CTDSP1: variants seen among roughly 807,000 people sequenced by gnomAD.
The protein encoded by CTDSP1 is carboxy-terminal domain RNA polymerase II polypeptide A small phosphatase 1.
CTDSP1 carries 15 observed loss-of-function variants against 32.5 expected under a neutral mutation model. The ratio of observed to expected loss-of-function variants is 0.46; its 90% CI spans 0.31 to 0.71. CTDSP1 has a LOEUF of 0.71. CTDSP1 is among the 30% of genes least tolerant of loss of function. CTDSP1 has a pLI of 0.05. For missense variants in CTDSP1, 294 were observed against 351.1 expected (o/e 0.84, Z 1.30); for synonymous variants, 185 against 145.4 (o/e 1.27, Z -1.96).
rs750101729 is a variant in CTDSP1, at chr2:218,404,386, C to T, written c.747C>T (p.Asp249=). ...TCGAGCAACTCAGCCGTGTGGACGA[C>T]GTGTACTCAGTGCTCAGGCAGCCAC... ...PFFEQLSRVD[D]VYSVLRQPRP... The change falls in exon 7 of 7, where the codon GAC becomes GAT. Residue 249 remains aspartate (D), a synonymous_variant. Coordinates refer to ENST00000273062, the MANE Select transcript of CTDSP1 (RefSeq NM_021198.3). The T allele has an allele frequency of 9.3e-6, 15 of 1,614,036 alleles. No individual in the cohort carries two copies. The highest frequency in any genetic ancestry group is 1.3e-5 in the Non-Finnish European group (15 of 1,180,028).
At chr2:218,400,906 A>C (rs1237083405) in intron 1 of CTDSP1, 1 of 427,430 alleles carries the variant, frequency 2.3e-6, no homozygotes, top group Admixed American at 2.7e-5. Flanking sequence ...AGGTCTGCCC[A>C]CCCTCGCCTG....
In CTDSP1 at chr2:218,403,225, C is replaced by G; in HGVS notation, c.472-7C>G. On this transcript the variant is annotated splice_region_variant and splice_polypyrimidine_tract_variant and intron_variant, in intron 5 of 6. Coordinates refer to ENST00000273062, the MANE Select transcript of CTDSP1 (RefSeq NM_021198.3). Reference sequence around the variant, plus strand: ...GGGCCCCAGGATGACCCACCTCCTGCTCCCAGTACGCAGACCCAGTAGCTG... The same window carrying G: ...GGGCCCCAGGATGACCCACCTCCTGGTCCCAGTACGCAGACCCAGTAGCTG... 1 of 1,611,318 alleles carries G rather than the reference C, an allele frequency of 6.2e-7. No homozygotes were observed. Among genetic ancestry groups the G allele is most frequent in the Non-Finnish European group, 8.5e-7 (1 of 1,178,108 alleles).
chr2:218,402,229 A>T lies in CTDSP1; in HGVS notation c.321+14A>T. 1.2e-6 allele frequency: 2 copies of T among 1,612,872 alleles called. No individual in the cohort carries two copies. Among genetic ancestry groups the T allele is most frequent in the Non-Finnish European group, 1.7e-6 (2 of 1,179,218 alleles). ...AGCTCCTTCAAGGTGGGCCCTGCTC[A>T]ACAGCCCTCAGCCCGGGTCTCGGGG... On this transcript the variant is annotated intron_variant, in intron 3 of 6. Transcript: ENST00000273062.
intron 2 of CTDSP1, 145 bp from the exon 3 acceptor site, chr2:218,401,966 G>A: frequency 2.9e-6 from 2 of 701,096 alleles, no homozygotes; most frequent in Non-Finnish European, 4.9e-6. Context: ...AAGCCCTAGA[G>A]CTGGCAGGGG....
chr2:218,402,134 C>T lies in CTDSP1; in HGVS notation c.240C>T (p.Leu80=), dbSNP rs771833719. The part of the protein sequence containing the change: ...IPKQTPVQYL[L]PEAKAQDSDK... ...AGCAGACCCCAGTCCAATACCTGCT[C>T]CCTGAGGCCAAGGCCCAGGACTCAG... is the stretch of plus-strand genomic sequence containing the variant. Residue 80 remains leucine, a synonymous_variant, in exon 3 of 7, where the codon CTC becomes CTT. Transcript: ENST00000273062. The T allele has an allele frequency of 1.7e-5, 27 of 1,613,258 alleles. No individual in the cohort carries two copies. The highest frequency in any genetic ancestry group is 2.7e-5 in the African/African-American group (2 of 74,928).
Position 218,402,334 on chromosome 2 carries a change from C to T in CTDSP1, c.322-15C>T. 6.2e-7 allele frequency: 1 copy of T among 1,614,040 alleles called. No individual in the cohort carries two copies. Among genetic ancestry groups the T allele is most frequent in the Non-Finnish European group, 8.5e-7 (1 of 1,180,006 alleles). ...GGCTCCTCCTCCAACTCCAGCAGCT[C>T]TTTTCCCCCCACAGCCAGTGAACAA... On this transcript the variant is annotated splice_polypyrimidine_tract_variant and intron_variant, in intron 3 of 6. Transcript: ENST00000273062.
chr2:218,402,022 C>T, intron 2 of CTDSP1, 89 bp from the exon 3 acceptor site: 1 of 927,088 alleles, frequency 1.1e-6, no homozygotes, highest in Non-Finnish European at 1.7e-6. Flanking sequence ...CCTGGGGTTC[C>T]TCTGGAGACG....
upstream of CTDSP1, chr2:218,398,705 G>C (rs575500257): frequency 3.1e-5 from 10 of 324,120 alleles, no homozygotes; most frequent in South Asian, 1.5e-3. Flanking sequence ...GGAGGCCCGC[G>C]GGAGAGGGGG....
rs1026390755 is a variant in CTDSP1, at chr2:218,400,619, C to T, written c.67+462C>T. 5.4e-4 allele frequency: 220 copies of T among 410,672 alleles called. 1 individual carries two copies. Among genetic ancestry groups the T allele is most frequent in the Non-Finnish European group, 8.1e-4 (165 of 203,918 alleles). The allele number at this position is 410,672 out of a possible 1,614,324, so 25.4% of individuals were successfully genotyped here. On this transcript the variant is annotated intron_variant, in intron 1 of 6. Coordinates refer to ENST00000273062, the MANE Select transcript of CTDSP1 (RefSeq NM_021198.3). ...CCGAGGTGACAGCAGGCTGGGGAGG[C>T]TTGGAGGGATCTCCCGCCAACACAC...
At position 218,405,301 on chromosome 2, in the gene CTDSP1, A is replaced by G. The variant is rs776855261; in HGVS notation, c.*876A>G. On this transcript the variant is annotated 3_prime_UTR_variant, in exon 7 of 7. Coordinates refer to ENST00000273062, the MANE Select transcript of CTDSP1 (RefSeq NM_021198.3). Reference sequence around the variant, plus strand: ...GGGGAGGGAGGGAAAGGATTTTTACATTTTTTAAACTGCTATTTTCTGAAT... The same window carrying G: ...GGGGAGGGAGGGAAAGGATTTTTACGTTTTTTAAACTGCTATTTTCTGAAT... The G allele has an allele frequency of 1.3e-5, 2 of 152,628 alleles. No homozygotes were observed. Among genetic ancestry groups the G allele is most frequent in the South Asian group, 2.1e-4 (1 of 4,832 alleles). The allele number at this position is 152,628 out of a possible 1,614,324, so 9.5% of individuals were successfully genotyped here. A position where few individuals can be genotyped will look rare whatever the true frequency, so the allele number is the denominator to read the frequency against.
intron 6 of CTDSP1, 132 bp from the exon 7 acceptor site, chr2:218,404,162 CAAA>C (rs1262365899): frequency 1.9e-6 from 2 of 1,056,240 alleles, no homozygotes; most frequent in Non-Finnish European, 1.4e-6. Flanking sequence ...GGATTGCTGT[CAAA>C]AAAGTTTGAA....
chr2:218,398,347 G>C, upstream of CTDSP1: 1 of 1,426,168 alleles, frequency 7.0e-7, no homozygotes, highest in Non-Finnish European at 9.5e-7. Flanking sequence ...ATGAGATTAG[G>C]GGGCGCAGCC....
chr2:218,402,991 A>C, intron 4 of CTDSP1, 44 bp from the exon 5 acceptor site: 1 of 1,451,542 alleles, frequency 6.9e-7, no homozygotes, highest in Non-Finnish European at 9.7e-7. Flanking sequence ...CCACCCCCAC[A>C]CTGCCCCACT....
upstream of CTDSP1, chr2:218,398,537 G>A (rs899876091): frequency 7.4e-5 from 94 of 1,274,022 alleles, no homozygotes; most frequent in Non-Finnish European, 4.0e-5. Context: ...GCACGAAGCC[G>A]CCGCGCCTTC....
chr2:218,403,377 A>C lies in CTDSP1; in HGVS notation c.617A>C (p.Asp206Ala), dbSNP rs909114293. Residue 206 changes from aspartate (D) to alanine (A), a missense_variant, in exon 6 of 7, where the codon GAC becomes GCC. Asp to Ala is a moderately radical substitution (Grantham distance 126). This residue lies in a region of CTDSP1 where 146 missense variants were observed against 237.7 expected (regional missense o/e 0.61). Transcript: ENST00000273062. ...GACCTGCGGCGGGTGCTCATCCTGG[A>C]CAATTCACCTGCCTCCTATGTCTTC... ...GRDLRRVLIL[D>A]NSPASYVFHP... is the part of the protein sequence containing the mutation. 1.9e-6 allele frequency: 3 copies of C among 1,611,664 alleles called. No homozygotes were observed. The highest frequency in any genetic ancestry group is 2.5e-6 in the Non-Finnish European group (3 of 1,178,990).
intron 6 of CTDSP1, 108 bp downstream of exon 6, chr2:218,403,525 C>T (rs1697264406): frequency 1.0e-6 from 1 of 980,876 alleles, no homozygotes; most frequent in Non-Finnish European, 1.5e-6. Flanking sequence ...GGTGGGTGCC[C>T]TCCCAGTCCT....
intron 2 of CTDSP1, among the ~76,000 whole-genome samples, 199 bp downstream of exon 2, chr2:218,401,911 T>C (rs1697165437): frequency 6.6e-6 from 1 of 152,156 alleles, no homozygotes; most frequent in Non-Finnish European, 1.5e-5. Context: ...AGCTTTTTCC[T>C]ACCTTGGTTT....
chr2:218,400,248 C>T (rs1029507243), intron 1 of CTDSP1, 91 bp downstream of exon 1: 18 of 1,227,500 alleles, frequency 1.5e-5, no homozygotes, highest in Non-Finnish European at 2.0e-5. Flanking sequence ...GCCGCCGCCG[C>T]CCCGGGCGGC....
At chr2:218,397,700 G>A (rs181424143), upstream of CTDSP1, among the ~76,000 whole-genome samples, 157 of 152,288 alleles carry the variant, frequency 1.0e-3, 2 homozygotes, top group African/African-American at 3.6e-3. Flanking sequence ...CACCTGTAGA[G>A]ACAGAGGGCA....
Sources: gnomAD v4.1 joint callset for allele counts (sites outside exome capture counted in the v4.1 genomes callset) on GRCh38, gnomAD v4.1.1 for gene constraint, gnomAD v4.1.1 regional missense constraint, MANE v1.5 for transcripts, NCBI Gene and HGNC (gene_info 2026-07-23, HGNC 2026-07-21) for gene names.